DCAF5: variants seen among roughly 807,000 people sequenced by gnomAD.
The protein encoded by DCAF5 is DDB1 and CUL4 associated factor 5.
DCAF5 carries 9 observed loss-of-function variants against 80.7 expected under a neutral mutation model. The observed-to-expected ratio is 0.11, with a 90% CI of 0.07 to 0.19. The LOEUF (loss-of-function observed/expected upper bound fraction) is 0.19, where lower values mean the gene tolerates loss of function less well. Ranked by LOEUF, DCAF5 falls within the 10% of genes least tolerant of loss-of-function variation. The pLI is 1.00. For synonymous variants in DCAF5, 433 were observed against 461.9 expected (o/e 0.94, Z 0.80); for missense variants, 842 against 1,205.7 (o/e 0.70, Z 4.47).
chr14:69,113,474 T>C (rs2040439684), intron 5 of DCAF5, among the ~76,000 whole-genome samples: 1 of 152,156 alleles, frequency 6.6e-6, no homozygotes, highest in Admixed American at 6.5e-5. Context: ...ACACAAGCCA[T>C]ACAATTTTAC....
chr14:69,143,864 A>C (rs914647956), intron 1 of DCAF5: 1 of 152,624 alleles, frequency 6.6e-6, no homozygotes, highest in Non-Finnish European at 1.5e-5. Context: ...ATGACTAGTC[A>C]AGTGAAGCAA....
At chr14:69,119,165 T>C in intron 3 of DCAF5, 29 bp downstream of exon 3, 1 of 1,604,304 alleles carries the variant, frequency 6.2e-7, no homozygotes, top group East Asian at 2.2e-5. Flanking sequence ...ACAAAGTCAA[T>C]CACCTTCACA....
intron 1 of DCAF5, among the ~76,000 whole-genome samples, chr14:69,138,837 C>T (rs150941470): frequency 1.3e-5 from 2 of 152,266 alleles, no homozygotes; most frequent in Non-Finnish European, 2.9e-5. Context: ...ATCACTTAAA[C>T]ATTTCACAAC....
At chr14:69,092,373 T>G (rs548125127) in intron 5 of DCAF5, among the ~76,000 whole-genome samples, 10 of 152,256 alleles carry the variant, frequency 6.6e-5, no homozygotes, top group Non-Finnish European at 1.2e-4. Flanking sequence ...TCCCAGCACT[T>G]TGGGAGTCTG....
chr14:69,134,320 C>T (rs1285495109), intron 1 of DCAF5, among the ~76,000 whole-genome samples: 2 of 152,164 alleles, frequency 1.3e-5, no homozygotes, highest in African/African-American at 4.8e-5. Flanking sequence ...ACAACTAGCA[C>T]ATAAAACCCG....
Position 69,118,411 on chromosome 14 carries a change from A to C in DCAF5, c.396-133T>G. The C allele has an allele frequency of 2.3e-6, 2 of 864,542 alleles. No homozygotes were observed. The highest frequency in any genetic ancestry group is 3.3e-6 in the Non-Finnish European group (2 of 604,274). 53.6% of individuals were successfully genotyped at this position (864,542 alleles called of 1,614,324 possible). On this transcript the variant is annotated intron_variant, in intron 3 of 8. Coordinates refer to ENST00000341516, the MANE Select transcript of DCAF5 (RefSeq NM_003861.3). The surrounding 1 kb of genome is among the most constrained non-coding windows in gnomAD (Gnocchi z 4.0). The stretch of plus-strand genomic sequence containing the variant: ...GTCAACCTAGCTAAACCCAAAAAAT[A>C]TTATATTTCCTGAAAGGTAGGTAGT...
chr14:69,091,619 G>T, intron 6 of DCAF5, 55 bp downstream of exon 6: 1 of 1,498,980 alleles, frequency 6.7e-7, no homozygotes, highest in Non-Finnish European at 9.2e-7. Flanking sequence ...AGTATAGAAA[G>T]AACAATCAGA....
intron 6 of DCAF5, chr14:69,084,323 A>G: frequency 1.0e-6 from 1 of 953,366 alleles, no homozygotes; most frequent in Non-Finnish European, 1.7e-6. Context: ...GCTGGACCAT[A>G]TGCAGAATAT....
intron 5 of DCAF5, among the ~76,000 whole-genome samples, chr14:69,103,211 G>T (rs942026251): frequency 2.0e-5 from 3 of 152,140 alleles, no homozygotes; most frequent in Non-Finnish European, 2.9e-5. Flanking sequence ...GAAAAACATA[G>T]AAGCATATGG....
At chr14:69,111,935 A>G (rs1211133915) in intron 5 of DCAF5, among the ~76,000 whole-genome samples, 1 of 152,194 alleles carries the variant, frequency 6.6e-6, no homozygotes, top group Non-Finnish European at 1.5e-5. Context: ...TCAGGCAAGT[A>G]ATGTAAATGA....
At chr14:69,085,021 T>C in intron 6 of DCAF5, 1 of 1,347,032 alleles carries the variant, frequency 7.4e-7, no homozygotes, top group Non-Finnish European at 1.1e-6. Flanking sequence ...AAGGTTCCAT[T>C]AAGTGAATTT....
chr14:69,067,337 CTTTTTT>C (rs58620965), intron 7 of DCAF5, among the ~76,000 whole-genome samples: 1 of 115,128 alleles, frequency 8.7e-6, no homozygotes, highest in Non-Finnish European at 1.8e-5. Context: ...GATTTCGTAT[CTTTTTT>C]TTTTTTTTTT....
At chr14:69,084,778 A>C in intron 6 of DCAF5, 1 of 1,121,846 alleles carries the variant, frequency 8.9e-7, no homozygotes, top group Non-Finnish European at 1.3e-6. Context: ...ATACGACCAC[A>C]TTCTTCCAGT....
intron 1 of DCAF5, among the ~76,000 whole-genome samples, chr14:69,142,647 T>C (rs1261766984): frequency 1.3e-5 from 2 of 152,230 alleles, no homozygotes; most frequent in African/African-American, 2.4e-5. Context: ...ACTAGCACTC[T>C]CTGAGCAAAT....
chr14:69,097,673 G>A (rs1169632368), intron 5 of DCAF5, among the ~76,000 whole-genome samples: 2 of 148,140 alleles, frequency 1.4e-5, no homozygotes, highest in African/African-American at 5.0e-5. Context: ...TGCAAGTTCC[G>A]CCTCCCAGGT....
Position 69,076,726 on chromosome 14 carries a change from T to C in DCAF5, c.880-1315A>G, listed in dbSNP as rs76087782. On this transcript the variant is annotated intron_variant, in intron 6 of 8. Transcript: ENST00000341516. ...GGTGATGGCTGCACAGCAATGTGAT[T>C]GTACTTAATGCCACTGAACTGTGTA... 5.8e-3 allele frequency among the ~76,000 whole-genome samples: 891 copies of C among 152,344 alleles called. 6 individuals are homozygous for C. The highest frequency in any genetic ancestry group is 0.02 in the African/African-American group (836 of 41,588).
chr14:69,055,604 C>T lies in DCAF5; in HGVS notation c.1082G>A (p.Ser361Asn). The part of the protein sequence containing the change: ...SGVEKIIKIW[S>N]PYKQPGCTGD... ...AGTACATCCTGGCTGCTTGTATGGG[C>T]TCCAGATCTGAACAGAAAATGAAAA... The change falls in exon 9 of 9, where the codon AGC (serine) becomes AAC (asparagine). Residue 361 changes from serine to asparagine, a missense_variant. Coordinates refer to ENST00000341516, the MANE Select transcript of DCAF5 (RefSeq NM_003861.3). This position sits in a 1 kb window ranked among gnomAD's most constrained non-coding sequence, Gnocchi z 5.6. 1 of 1,595,082 alleles carries T rather than the reference C, an allele frequency of 6.3e-7. No homozygotes were observed. Among genetic ancestry groups the T allele is most frequent in the Non-Finnish European group, 8.6e-7 (1 of 1,164,882 alleles).
At chr14:69,097,615 C>G (rs2039777015) in intron 5 of DCAF5, among the ~76,000 whole-genome samples, 2 of 133,060 alleles carry the variant, frequency 1.5e-5, no homozygotes, top group South Asian at 2.3e-4. Context: ...GAGACAGGGT[C>G]TCACTTTGTC....
chr14:69,091,632 G>C, intron 6 of DCAF5, 42 bp downstream of exon 6: 10 of 1,554,948 alleles, frequency 6.4e-6, no homozygotes, highest in Non-Finnish European at 8.9e-6. Flanking sequence ...CAATCAGAAA[G>C]AAAAGCATAA....
Sources: allele counts gnomAD v4.1 joint callset (sites outside exome capture counted in the v4.1 genomes callset), GRCh38; gene constraint gnomAD v4.1.1; non-coding constraint Gnocchi (gnomAD v3.1); transcripts MANE v1.5; gene names NCBI Gene and HGNC (gene_info 2026-07-23, HGNC 2026-07-21).